DNAH11: variants seen among roughly 807,000 people sequenced by gnomAD.
DNAH11 encodes the protein axonemal beta dynein heavy chain 11.
DNAH11 carries 442 observed loss-of-function variants against 526.0 expected under a neutral mutation model. The ratio of observed to expected loss-of-function variants is 0.84; its 90% CI spans 0.78 to 0.91. The LOEUF is 0.91. Among genes scored for constraint, DNAH11 ranks in the 40% least tolerant of loss-of-function variants. The pLI is 0.00. For missense variants in DNAH11, 6,989 were observed against 5,448.7 expected (o/e 1.28, Z -8.90); for synonymous variants, 2,461 against 1,935.9 (o/e 1.27, Z -7.12).
chr7:21,696,217 T>G (rs1783846434), intron 35 of DNAH11, among the ~76,000 whole-genome samples: 1 of 152,068 alleles, frequency 6.6e-6, no homozygotes, highest in Non-Finnish European at 1.5e-5. Flanking sequence ...CTTTCCAACT[T>G]AAAGTTTGCT....
chr7:21,721,659 G>A (rs1784878723), intron 44 of DNAH11, among the ~76,000 whole-genome samples: 1 of 152,144 alleles, frequency 6.6e-6, no homozygotes, highest in Non-Finnish European at 1.5e-5. Context: ...ATCCCATCAT[G>A]AGGACCCTGT....
intron 13 of DNAH11, 34 bp downstream of exon 13, chr7:21,591,056 G>T: frequency 1.4e-6 from 2 of 1,399,732 alleles, no homozygotes; most frequent in Non-Finnish European, 1.9e-6. Flanking sequence ...AGATACTAGG[G>T]CCTATTATGA....
intron 66 of DNAH11, among the ~76,000 whole-genome samples, chr7:21,846,785 T>TA (rs1782438454): frequency 1.3e-5 from 2 of 152,180 alleles, no homozygotes; most frequent in Admixed American, 1.3e-4. Flanking sequence ...AGAGAATTGA[T>TA]ACTATTTCTC....
At chr7:21,750,199 A>C in intron 53 of DNAH11, 23 bp from the exon 54 acceptor site, 1 of 1,564,024 alleles carries the variant, frequency 6.4e-7, no homozygotes, top group Non-Finnish European at 8.6e-7. Flanking sequence ...TCTTTTAGTA[A>C]TTCTACTCAT....
At position 21,744,239 on chromosome 7, in the gene DNAH11, G is replaced by A. The variant is rs562423018; in HGVS notation, c.8155-199G>A. ...GTCTTACTCGCATACCTAAAAATGG[G>A]TATAAGCATACTAAAATTTTAAAAT... On this transcript the variant is annotated intron_variant, in intron 49 of 81. Coordinates refer to ENST00000409508, the MANE Select transcript of DNAH11 (RefSeq NM_001277115.2). Among the ~76,000 whole-genome samples the A allele has an allele frequency of 1.9e-3, 293 of 152,248 alleles. 2 individuals carry two copies. The highest frequency in any genetic ancestry group is 6.9e-3 in the African/African-American group (286 of 41,538).
intron 25 of DNAH11, among the ~76,000 whole-genome samples, chr7:21,622,485 G>A (rs1786112882): frequency 6.6e-6 from 1 of 151,912 alleles, no homozygotes; most frequent in Non-Finnish European, 1.5e-5. Flanking sequence ...AGTTCATATG[G>A]CACCAAAAAA....
intron 1 of DNAH11, 82 bp from the exon 2 acceptor site, chr7:21,544,924 A>G (rs1782749047): frequency 2.5e-6 from 3 of 1,213,202 alleles, no homozygotes; most frequent in East Asian, 5.3e-5. Flanking sequence ...TTCTGCTAGC[A>G]ATACAGCTAC....
At position 21,558,813 on chromosome 7, in the gene DNAH11, A is replaced by G. The variant is rs538647052; in HGVS notation, c.507A>G (p.Pro169=). ...TTCTCTTTCTCTAGATTTTAGTGCC[A>G]GTTCTTTCTAATAAGAACAACCATA... ...VSAFLDEILV[P]VLSNKNNHKS... The change falls in exon 3 of 82, where the codon CCA becomes CCG. Residue 169 remains proline (P), a synonymous_variant. Transcript: ENST00000409508. The G allele has an allele frequency of 4.5e-5, 71 of 1,580,984 alleles. 2 individuals are homozygous for G. In the South Asian group the frequency reaches 8.1e-4, roughly 18 times the overall value.
At chr7:21,734,411 T>A (rs1181844083) in intron 45 of DNAH11, among the ~76,000 whole-genome samples, 1 of 152,160 alleles carries the variant, frequency 6.6e-6, no homozygotes, top group African/African-American at 2.4e-5. Context: ...AGGGAAAAAA[T>A]ATGAGATGCA....
Position 21,881,815 on chromosome 7 carries a change from C to T in DNAH11, c.12387+922C>T, listed in dbSNP as rs1783934753. Among the ~76,000 whole-genome samples, 4 of 151,964 alleles carry T rather than the reference C, an allele frequency of 2.6e-5. No homozygotes were observed. In the South Asian group the frequency reaches 6.2e-4, roughly 24 times the overall value. ...ATTTGATTGCTATTAGAATAGATAC[C>T]CTTGGTACCTAACAGGCATATTTTC... On this transcript the variant is annotated intron_variant, in intron 75 of 81. Transcript: ENST00000409508.
At chr7:21,719,292 T>A (rs1784786295) in intron 43 of DNAH11, among the ~76,000 whole-genome samples, 1 of 152,254 alleles carries the variant, frequency 6.6e-6, no homozygotes, top group Non-Finnish European at 1.5e-5. Flanking sequence ...AATGGCTATC[T>A]TGAGAAATTA....
At chr7:21,790,951 G>C (rs1255193767) in intron 61 of DNAH11, among the ~76,000 whole-genome samples, 1 of 152,206 alleles carries the variant, frequency 6.6e-6, no homozygotes. Context: ...CAAAGTGAAT[G>C]GATGCTGGAA....
chr7:21,762,985 A>C (rs1255377278), intron 54 of DNAH11, among the ~76,000 whole-genome samples: 9 of 152,174 alleles, frequency 5.9e-5, no homozygotes, highest in Non-Finnish European at 8.8e-5. Flanking sequence ...TAAGGAATTA[A>C]TTAATTCACA....
At chr7:21,847,270 T>A (rs1334045920) in intron 66 of DNAH11, among the ~76,000 whole-genome samples, 2 of 152,222 alleles carry the variant, frequency 1.3e-5, no homozygotes, top group African/African-American at 4.8e-5. Context: ...GGTAAAAGCT[T>A]AGATAAATAC....
chr7:21,574,478 T>G (rs1275929236), intron 8 of DNAH11, among the ~76,000 whole-genome samples: 1 of 152,084 alleles, frequency 6.6e-6, no homozygotes. Flanking sequence ...AGTTTCCAGT[T>G]GGTGGAATGG....
Position 21,591,020 on chromosome 7 carries a change from A to G in DNAH11, c.2272A>G (p.Lys758Glu). The change falls in exon 13 of 82, where the codon AAG (lysine) becomes GAG (glutamate). Residue 758 changes from lysine (K) to glutamate (E), a missense_variant and splice_region_variant. Lys to Glu is a moderately conservative substitution (Grantham distance 56). Transcript: ENST00000409508. ...AIFKKRNTIL[K>E]YIGNLDLLVQ... The stretch of plus-strand genomic sequence containing the variant: ...CTTCAAGAAAAGGAACACTATTTTA[A>G]AGGTTTGTGATTTTTGTTAAAAAAA... The G allele has an allele frequency of 6.7e-7, 1 of 1,496,522 alleles. No individual in the cohort carries two copies. Among genetic ancestry groups the G allele is most frequent in the Non-Finnish European group, 8.8e-7 (1 of 1,132,018 alleles). The allele number at this position is 1,496,522 out of a possible 1,614,324, so 92.7% of individuals were successfully genotyped here.
intron 15 of DNAH11, among the ~76,000 whole-genome samples, chr7:21,600,452 C>T (rs916403691): frequency 6.7e-6 from 1 of 149,528 alleles, no homozygotes; most frequent in Non-Finnish European, 1.5e-5. Context: ...AACCCTGTCT[C>T]AAAAAAACAA....
At chr7:21,800,104 G>A (rs1304756635) in intron 61 of DNAH11, among the ~76,000 whole-genome samples, 1 of 152,200 alleles carries the variant, frequency 6.6e-6, no homozygotes, top group Non-Finnish European at 1.5e-5. Flanking sequence ...GAAACAAGAA[G>A]CTGCCATGAA....
At chr7:21,800,957 G>A (rs1788959762) in intron 61 of DNAH11, among the ~76,000 whole-genome samples, 180 bp from the exon 62 acceptor site, 1 of 152,192 alleles carries the variant, frequency 6.6e-6, no homozygotes, top group Non-Finnish European at 1.5e-5. Flanking sequence ...TGGCACTGAT[G>A]TGTTTATTTC....
Sources: allele counts gnomAD v4.1 joint callset (sites outside exome capture counted in the v4.1 genomes callset), GRCh38; gene constraint gnomAD v4.1.1; transcripts MANE v1.5; gene names NCBI Gene and HGNC (gene_info 2026-07-23, HGNC 2026-07-21).